The following SMARCA1 variants were observed in gnomAD, a reference collection of about 807,000 sequenced individuals.
The protein encoded by SMARCA1 is SNF2 related chromatin remodeling ATPase 1, also known as SWI/SNF-related matrix-associated actin-dependent regulator of chromatin subfamily A member 1.
SMARCA1 carries 17 observed loss-of-function variants against 93.6 expected under a neutral mutation model. The observed-to-expected ratio is 0.18, with a 90% confidence interval of 0.12 to 0.27. The LOEUF (loss-of-function observed/expected upper bound fraction) is 0.27, where lower values mean the gene tolerates loss of function less well. Ranked by LOEUF, SMARCA1 falls within the 10% of genes least tolerant of loss-of-function variation. SMARCA1 has a pLI of 1.00. For synonymous variants in SMARCA1, 271 were observed against 271.4 expected (o/e 1.00, Z 0.01); for missense variants, 630 against 819.0 (o/e 0.77, Z 2.82).
chrX:129,479,853 G>A (rs1370541394), intron 19 of SMARCA1, among the ~76,000 whole-genome samples: 2 of 110,069 alleles, frequency 1.8e-5, no homozygotes, highest in Admixed American at 9.7e-5. Context: ...GCTTGCCACC[G>A]CACCCAGCTA....
intron 2 of SMARCA1, among the ~76,000 whole-genome samples, chrX:129,516,937 T>G (rs1017596382): frequency 1.8e-5 from 2 of 111,589 alleles, no homozygotes; most frequent in Admixed American, 1.9e-4. Context: ...TTAACTATGA[T>G]ATATATACCA....
intron 17 of SMARCA1, 53 bp downstream of exon 17, chrX:129,486,965 T>C (rs1933918583): frequency 1.9e-6 from 2 of 1,046,669 alleles, no homozygotes; most frequent in Admixed American, 2.7e-5. Flanking sequence ...TTTATAATTG[T>C]TATGGGGAGA....
intron 23 of SMARCA1, among the ~76,000 whole-genome samples, chrX:129,454,493 G>A (rs1932492982): frequency 8.9e-6 from 1 of 111,743 alleles, no homozygotes; most frequent in African/African-American, 3.3e-5. Flanking sequence ...ACTATCATCA[G>A]AGTAAACAGG....
Position 129,481,100 on chromosome X carries a change from C to A in SMARCA1, c.2303G>T (p.Arg768Leu). ...AVDAYFREAL[R>L]VSEPKIPKAP... ...CTTTGGAATCTTTGGCTCGCTGACA[C>A]GCAAAGCCTCTCTAAAGTAGGCATC... Residue 768 changes from arginine to leucine, a missense_variant, in exon 18 of 25, where the codon CGT becomes CTT. By Grantham distance (102) the Arg-to-Leu change is moderately radical. Around this residue, in one of 4 missense-constraint regions of SMARCA1, gnomAD observed 382 missense variants for 537.9 expected, o/e 0.71. Coordinates refer to ENST00000371121, the MANE Select transcript of SMARCA1 (RefSeq NM_001282874.2). 2 of 1,203,551 alleles carry A rather than the reference C, an allele frequency of 1.7e-6. No homozygotes were observed. Among genetic ancestry groups the A allele is most frequent in the Non-Finnish European group, 2.2e-6 (2 of 888,969 alleles).
At chrX:129,522,773 G>GA (rs1293306830) in intron 1 of SMARCA1, among the ~76,000 whole-genome samples, 1 of 112,240 alleles carries the variant, frequency 8.9e-6, no homozygotes, top group East Asian at 2.8e-4. Context: ...GAAGGGCCCA[G>GA]ATTTCCCAGG....
chrX:129,501,603 C>A (rs1233637791), intron 9 of SMARCA1, among the ~76,000 whole-genome samples: 1 of 103,089 alleles, frequency 9.7e-6, no homozygotes. Flanking sequence ...GCCCGCCAAA[C>A]TTTTTTTGGG....
intron 9 of SMARCA1, among the ~76,000 whole-genome samples, chrX:129,500,521 A>C (rs1455165058): frequency 8.9e-6 from 1 of 112,565 alleles, no homozygotes; most frequent in African/African-American, 3.2e-5. Context: ...TCGATCAGGG[A>C]GTCTTCAAAA....
At chrX:129,516,572 T>C (rs1602738802) in intron 2 of SMARCA1, 75 bp from the exon 3 acceptor site, 1 of 860,865 alleles carries the variant, frequency 1.2e-6, no homozygotes, top group Non-Finnish European at 1.6e-6. Flanking sequence ...ATACTTACTT[T>C]GAACAACATT....
chrX:129,522,649 A>G (rs1168715923), intron 1 of SMARCA1, among the ~76,000 whole-genome samples: 1 of 111,375 alleles, frequency 9.0e-6, no homozygotes, highest in African/African-American at 3.3e-5. Flanking sequence ...CGACATTGCC[A>G]ATGAAAGAAA....
intron 23 of SMARCA1, among the ~76,000 whole-genome samples, chrX:129,451,853 G>A (rs973990561): frequency 3.6e-5 from 4 of 110,222 alleles, no homozygotes; most frequent in East Asian, 2.9e-4. Context: ...ACAGGCGCCC[G>A]CCACCACACC....
chrX:129,485,743 C>A (rs1933862504), intron 17 of SMARCA1, among the ~76,000 whole-genome samples: 1 of 111,114 alleles, frequency 9.0e-6, no homozygotes, highest in African/African-American at 3.3e-5. Flanking sequence ...TGAGTGAGTT[C>A]TCTCATTCTA....
In SMARCA1 at chrX:129,506,082, C is replaced by A. The variant is rs1934799885; in HGVS notation, c.1096G>T (p.Asp366Tyr). The A allele has an allele frequency of 2.5e-6, 3 of 1,190,839 alleles. No homozygotes were observed. Among genetic ancestry groups the A allele is most frequent in the Non-Finnish European group, 3.4e-6 (3 of 879,865 alleles). Reference sequence around the variant, plus strand: ...TAAAACGTATGGCTTAAACTTACATCTGCAGAATTAAAGACATCAGGCAAT... The same window carrying A: ...TAAAACGTATGGCTTAAACTTACATATGCAGAATTAAAGACATCAGGCAAT... ...FLLPDVFNSA[D>Y]DFDSWFDTKN... Residue 366 changes from aspartate to tyrosine, a missense_variant and splice_region_variant, in exon 8 of 25, where the codon GAT becomes TAT. This residue lies in a region of SMARCA1 where 382 missense variants were observed against 537.9 expected (regional missense o/e 0.71). Transcript: ENST00000371121.
At chrX:129,458,703 T>C (rs1932747033) in intron 23 of SMARCA1, among the ~76,000 whole-genome samples, 1 of 112,172 alleles carries the variant, frequency 8.9e-6, no homozygotes, top group Non-Finnish European at 1.9e-5. Context: ...TCCTAGACAC[T>C]AAGCCTACCT....
At chrX:129,469,575 T>A (rs897560228) in intron 20 of SMARCA1, among the ~76,000 whole-genome samples, 4 of 112,176 alleles carry the variant, frequency 3.6e-5, no homozygotes, top group Non-Finnish European at 7.5e-5. Context: ...CCAACTCACA[T>A]AAATGTGATA....
At chrX:129,517,172 C>T (rs182378755) in intron 2 of SMARCA1, among the ~76,000 whole-genome samples, 8 of 110,903 alleles carry the variant, frequency 7.2e-5, no homozygotes, top group African/African-American at 2.6e-4. Context: ...AACATATGCA[C>T]ATATATGTGA....
intron 24 of SMARCA1, 106 bp downstream of exon 24, chrX:129,448,227 G>A: frequency 3.9e-6 from 3 of 762,561 alleles, no homozygotes; most frequent in Non-Finnish European, 1.9e-6. Context: ...CATAAAACCA[G>A]CTTTTATTAA....
chrX:129,482,901 T>A (rs780105550), intron 17 of SMARCA1, among the ~76,000 whole-genome samples: 1 of 111,844 alleles, frequency 8.9e-6, no homozygotes, highest in African/African-American at 3.2e-5. Context: ...AAGGGCTGAA[T>A]TCCAACCTTG....
intron 13 of SMARCA1, 147 bp downstream of exon 13, chrX:129,492,893 G>A (rs1934182273): frequency 3.3e-6 from 1 of 299,956 alleles, no homozygotes; most frequent in African/African-American, 2.7e-5. Context: ...CATTTTTGAA[G>A]ATTTAAAAAA....
chrX:129,515,868 A>G, intron 4 of SMARCA1, 26 bp downstream of exon 4: 3 of 1,152,814 alleles, frequency 2.6e-6, no homozygotes, highest in Non-Finnish European at 2.4e-6. Context: ...TTGAAAAAGA[A>G]CTCACCAATG....
Sources: allele counts gnomAD v4.1 joint callset (sites outside exome capture counted in the v4.1 genomes callset), GRCh38; gene constraint gnomAD v4.1.1; regional missense constraint gnomAD v4.1.1; transcripts MANE v1.5; gene names NCBI Gene and HGNC (gene_info 2026-07-23, HGNC 2026-07-21).